Variants in ARHGAP10 observed in about 807,000 individuals in gnomAD.
The protein encoded by ARHGAP10 is Rho GTPase activating protein 10.
ARHGAP10 carries 87 observed loss-of-function variants against 108.6 expected under a neutral mutation model. The observed-to-expected ratio is 0.80, with a 90% CI of 0.67 to 0.96. The LOEUF (loss-of-function observed/expected upper bound fraction) is 0.96. Among genes scored for constraint, ARHGAP10 ranks in the 40% least tolerant of loss-of-function variants. The pLI is 0.00. For synonymous variants in ARHGAP10, 347 were observed against 341.1 expected (o/e 1.02, Z -0.19); for missense variants, 939 against 954.5 (o/e 0.98, Z 0.21).
At position 147,891,056 on chromosome 4, in the gene ARHGAP10, A is replaced by G. The variant is rs563607336; in HGVS notation, c.1034+9124A>G. The stretch of plus-strand genomic sequence containing the variant: ...GAATTTAAATGGAATGCTGCTTTGG[A>G]AAACAGTTTGTCAGTTCTTCAGAAA... On this transcript the variant is annotated intron_variant, in intron 10 of 22. Coordinates refer to ENST00000336498, the MANE Select transcript of ARHGAP10 (RefSeq NM_024605.4). 1.2e-4 allele frequency among the ~76,000 whole-genome samples: 18 copies of G among 152,330 alleles called. 1 individual carries two copies. Among genetic ancestry groups the G allele is most frequent in the African/African-American group, 4.3e-4 (18 of 41,582 alleles).
intron 14 of ARHGAP10, among the ~76,000 whole-genome samples, chr4:147,944,927 A>G (rs1233976045): frequency 6.6e-6 from 1 of 152,144 alleles, no homozygotes; most frequent in Non-Finnish European, 1.5e-5. Context: ...ATAACCTGCT[A>G]CGTTTAATTA....
intron 20 of ARHGAP10, 58 bp from the exon 21 acceptor site, chr4:148,063,090 A>C (rs752561120): frequency 6.3e-7 from 1 of 1,587,802 alleles, no homozygotes. Flanking sequence ...GATGTTGTGC[A>C]TTTCGTGTTC....
At chr4:147,880,243 C>T (rs1735270900) in intron 9 of ARHGAP10, among the ~76,000 whole-genome samples, 1 of 152,138 alleles carries the variant, frequency 6.6e-6, no homozygotes, top group Admixed American at 6.5e-5. Context: ...TCATTGCTTA[C>T]TGGGTGAATG....
At chr4:147,763,315 GTTT>G (rs771156855) in intron 1 of ARHGAP10, among the ~76,000 whole-genome samples, 1 of 138,916 alleles carries the variant, frequency 7.2e-6, no homozygotes. Flanking sequence ...GTAGATAATA[GTTT>G]TTTTTTTTTT....
chr4:147,735,121 G>A (rs897675727), intron 1 of ARHGAP10, among the ~76,000 whole-genome samples: 8 of 152,130 alleles, frequency 5.3e-5, no homozygotes, highest in African/African-American at 1.9e-4. Flanking sequence ...ATTCAATTAG[G>A]TAGCAATCTG....
intron 20 of ARHGAP10, among the ~76,000 whole-genome samples, chr4:148,048,558 C>T (rs1728986797): frequency 6.6e-6 from 1 of 152,186 alleles, no homozygotes; most frequent in African/African-American, 2.4e-5. Context: ...CTACAAGCAA[C>T]AATAACAGTA....
In ARHGAP10 at chr4:147,813,438, G is replaced by A. The variant is rs187042850; in HGVS notation, c.155-9289G>A. Among the ~76,000 whole-genome samples, 22 of 152,278 alleles carry A rather than the reference G, an allele frequency of 1.4e-4. No individual in the cohort carries two copies. The East Asian group carries it at 4.1e-3, about 28-fold the overall frequency. On this transcript the variant is annotated intron_variant, in intron 1 of 22. Transcript: ENST00000336498. ...TCATGGCCTTCCGTGGGAAAAACAT[G>A]AGCCAAGCCAATTTGATTCTCTTGA...
In ARHGAP10 at chr4:147,746,534, C is replaced by T. The variant is rs574819964; in HGVS notation, c.154+14079C>T. ...TCCTGTCTCAGCCTCCTGAGTAGCT[C>T]GCTTGCCACCACTCCCCGTTAATTT... is the stretch of plus-strand genomic sequence containing the variant. On this transcript the variant is annotated intron_variant, in intron 1 of 22. Coordinates refer to ENST00000336498, the MANE Select transcript of ARHGAP10 (RefSeq NM_024605.4). Among the ~76,000 whole-genome samples, 13 of 151,440 alleles carry T rather than the reference C, an allele frequency of 8.6e-5. 1 individual carries two copies. The highest frequency in any genetic ancestry group is 2.9e-4 in the African/African-American group (12 of 41,282).
chr4:147,751,883 G>GTTTTT (rs371998598), intron 1 of ARHGAP10, among the ~76,000 whole-genome samples: 1 of 126,302 alleles, frequency 7.9e-6, no homozygotes. Context: ...GAAGCCTTTA[G>GTTTTT]TTTTTTTTTT....
chr4:147,802,834 A>G (rs1160620183), intron 1 of ARHGAP10, among the ~76,000 whole-genome samples: 2 of 152,212 alleles, frequency 1.3e-5, no homozygotes, highest in African/African-American at 4.8e-5. Flanking sequence ...TGTTTTCTGC[A>G]TGTTCTGTTT....
In ARHGAP10 at chr4:147,786,444, G is replaced by A. The variant is rs973294886; in HGVS notation, c.155-36283G>A. ...CTTAGCAATGGCAGGGAGAAGTGGC[G>A]TGAGTCTCAAAATCTGTAGGAAGGA... is the stretch of plus-strand genomic sequence containing the variant. On this transcript the variant is annotated intron_variant, in intron 1 of 22. Coordinates refer to ENST00000336498, the MANE Select transcript of ARHGAP10 (RefSeq NM_024605.4). Among the ~76,000 whole-genome samples the A allele has an allele frequency of 5.9e-5, 9 of 152,142 alleles. No homozygotes were observed. In the South Asian group the frequency reaches 8.3e-4, roughly 14 times the overall value.
intron 10 of ARHGAP10, among the ~76,000 whole-genome samples, chr4:147,897,624 G>A (rs989721679): frequency 1.3e-5 from 2 of 152,084 alleles, no homozygotes; most frequent in Admixed American, 6.6e-5. Flanking sequence ...CCTTAGAACA[G>A]TGGATGACTT....
At chr4:148,045,983 T>C (rs1728865134) in intron 19 of ARHGAP10, among the ~76,000 whole-genome samples, 1 of 152,200 alleles carries the variant, frequency 6.6e-6, no homozygotes, top group African/African-American at 2.4e-5. Flanking sequence ...GTGCCATCTT[T>C]GTAGAACATT....
intron 13 of ARHGAP10, among the ~76,000 whole-genome samples, chr4:147,921,266 A>T (rs1345201092): frequency 1.3e-5 from 2 of 152,216 alleles, no homozygotes; most frequent in Non-Finnish European, 2.9e-5. Flanking sequence ...GTAATGAAGG[A>T]TGTCAAGGAA....
intron 15 of ARHGAP10, among the ~76,000 whole-genome samples, chr4:147,954,830 A>G (rs1442930031): frequency 6.6e-6 from 1 of 151,996 alleles, no homozygotes; most frequent in Non-Finnish European, 1.5e-5. Context: ...CTCTCATCTT[A>G]TAGGAATAAA....
At chr4:147,802,569 T>C (rs887921777) in intron 1 of ARHGAP10, among the ~76,000 whole-genome samples, 1 of 152,216 alleles carries the variant, frequency 6.6e-6, no homozygotes, top group Non-Finnish European at 1.5e-5. Flanking sequence ...ACAATATAAA[T>C]AGTGGTATTT....
intron 13 of ARHGAP10, among the ~76,000 whole-genome samples, chr4:147,927,132 T>G (rs4835111): frequency 0.15 from 22,945 of 152,122 alleles, 1,906 homozygotes; most frequent in Middle Eastern, 0.23. Flanking sequence ...AGTCTGACCT[T>G]TTTTTGAGGA....
intron 12 of ARHGAP10, among the ~76,000 whole-genome samples, chr4:147,911,515 A>G (rs1315817082): frequency 1.3e-5 from 2 of 152,156 alleles, no homozygotes; most frequent in Admixed American, 6.5e-5. Context: ...GGTGCCCACC[A>G]TCACGCCCGG....
intron 18 of ARHGAP10, among the ~76,000 whole-genome samples, chr4:148,006,760 A>T (rs1344267968): frequency 6.6e-6 from 1 of 152,264 alleles, no homozygotes; most frequent in African/African-American, 2.4e-5. Flanking sequence ...AAACTCTGAC[A>T]GTGAAAATGC....
Sources: allele counts gnomAD v4.1 joint callset (sites outside exome capture counted in the v4.1 genomes callset), GRCh38; gene constraint gnomAD v4.1.1; transcripts MANE v1.5; gene names NCBI Gene and HGNC (gene_info 2026-07-23, HGNC 2026-07-21).